The following ADGRA3 variants were observed in gnomAD, a reference collection of about 807,000 sequenced individuals.
ADGRA3 encodes adhesion G protein-coupled receptor A3.
In ADGRA3, 56 loss-of-function variants were observed where a neutral mutation model predicts 119.8. The observed-to-expected ratio is 0.47, with a 90% CI of 0.38 to 0.58. The LOEUF (loss-of-function observed/expected upper bound fraction) is 0.58. ADGRA3 is among the 20% of genes least tolerant of loss of function. The pLI is 0.00. For synonymous variants in ADGRA3, 607 were observed against 623.8 expected, an observed-to-expected ratio of 0.97 and a Z score of 0.40; for missense variants, 1,516 against 1,649.0, an observed-to-expected ratio of 0.92 and a Z score of 1.40.
intron 10 of ADGRA3, among the ~76,000 whole-genome samples, chr4:22,426,754 G>A (rs111520669): frequency 6.6e-5 from 10 of 152,170 alleles, no homozygotes; most frequent in South Asian, 4.2e-4. Flanking sequence ...CCCCCAAACC[G>A]AAGATATTAA....
At chr4:22,478,554 G>C (rs566907366) in intron 1 of ADGRA3, among the ~76,000 whole-genome samples, 1 of 152,164 alleles carries the variant, frequency 6.6e-6, no homozygotes, top group East Asian at 1.9e-4. Flanking sequence ...AATCAAATAG[G>C]GTTATTGTGG....
In ADGRA3 at chr4:22,515,522, A is replaced by C; in HGVS notation, c.257+6T>G. 1 of 1,588,726 alleles carries C rather than the reference A, an allele frequency of 6.3e-7. No homozygotes were observed. The highest frequency in any genetic ancestry group is 8.6e-7 in the Non-Finnish European group (1 of 1,161,026). On this transcript the variant is annotated splice_donor_region_variant and intron_variant, in intron 1 of 18. Transcript: ENST00000334304. ...GAGAGGACCCAGCGTCGCGGGAGAT[A>C]CTCACAGGGTGACCGTGCGGTTGGG...
chr4:22,457,643 T>C (rs1472001241), intron 3 of ADGRA3, among the ~76,000 whole-genome samples: 1 of 152,250 alleles, frequency 6.6e-6, no homozygotes. Flanking sequence ...ACAATATCAG[T>C]AATTATATTA....
At chr4:22,473,716 A>G (rs1212809333) in intron 2 of ADGRA3, 56 bp downstream of exon 2, 3 of 975,950 alleles carry the variant, frequency 3.1e-6, no homozygotes, top group Admixed American at 2.3e-5. Context: ...ATGAAGATTT[A>G]CAATGAAAAT....
intron 6 of ADGRA3, among the ~76,000 whole-genome samples, chr4:22,444,203 C>T (rs1716739090): frequency 1.3e-5 from 2 of 152,150 alleles, no homozygotes; most frequent in Non-Finnish European, 2.9e-5. Flanking sequence ...TATGCTTATA[C>T]ACAGAGTCTG....
chr4:22,478,223 C>T (rs7697601), intron 1 of ADGRA3: 106,256 of 152,014 alleles, frequency 0.7, 37,575 homozygotes, highest in Non-Finnish European at 0.75. Context: ...TAGTTTGGTA[C>T]ATCGCTTATG....
At chr4:22,473,451 C>G (rs189234832) in intron 2 of ADGRA3, among the ~76,000 whole-genome samples, 62 of 152,266 alleles carry the variant, frequency 4.1e-4, no homozygotes, top group Admixed American at 7.2e-4. Flanking sequence ...ACATCCACGT[C>G]GATTCATTTA....
intron 1 of ADGRA3, among the ~76,000 whole-genome samples, chr4:22,491,957 C>G (rs987537806): frequency 1.3e-5 from 2 of 152,208 alleles, no homozygotes; most frequent in Non-Finnish European, 2.9e-5. Context: ...ATCGTCAGAT[C>G]AATTGCAAAT....
rs529960178 is a variant in ADGRA3, at chr4:22,501,307, G to T, written c.257+14221C>A. ...AATTTCATGAGAAGGCTAAAGACAA[G>T]TGTTTTCTGAAATCCCATTTTCTTG... is the stretch of plus-strand genomic sequence containing the variant. On this transcript the variant is annotated intron_variant, in intron 1 of 18. Transcript: ENST00000334304. Among the ~76,000 whole-genome samples the T allele has an allele frequency of 9.0e-4, 135 of 150,252 alleles. 1 individual carries two copies. Among genetic ancestry groups the T allele is most frequent in the African/African-American group, 3.2e-3 (134 of 41,350 alleles).
chr4:22,492,463 T>C (rs926699153), intron 1 of ADGRA3, among the ~76,000 whole-genome samples: 1 of 152,190 alleles, frequency 6.6e-6, no homozygotes, highest in Admixed American at 6.5e-5. Context: ...GAGTGCCTAC[T>C]TGAATGCTTG....
rs777007718 is a variant in ADGRA3 at position 22,401,542 on chromosome 4, G to A, written c.2370C>T (p.Ile790=). The A allele has an allele frequency of 7.5e-6, 12 of 1,603,648 alleles. No homozygotes were observed. In the East Asian group the frequency reaches 2.7e-4, roughly 36 times the overall value. Residue 790 remains isoleucine (I), a synonymous_variant, in exon 16 of 19, where the codon ATC becomes ATT. Coordinates refer to ENST00000334304, the MANE Select transcript of ADGRA3 (RefSeq NM_145290.4). The stretch of plus-strand genomic sequence containing the variant: ...CAAGCATGTGCCAGCTCTTGAGGCT[G>A]ATTCTAATCAAACTGTTTAAAAAAG... ...SYIYHHSLIR[I]SLKSWHMLVN...
At chr4:22,413,892 C>T in intron 12 of ADGRA3, 78 bp from the exon 13 acceptor site, 10 of 932,000 alleles carry the variant, frequency 1.1e-5, no homozygotes, top group South Asian at 9.4e-5. Flanking sequence ...CAGATAGTTA[C>T]AAAAGTGGTA....
Position 22,420,892 on chromosome 4 carries a change from T to G in ADGRA3, c.1803A>C (p.Ala601=). 1 of 1,613,644 alleles carries G rather than the reference T, an allele frequency of 6.2e-7. No individual in the cohort carries two copies. The part of the protein sequence containing the change: ...CNVSNTFSSL[A]LKNTIVEASI... ...ATTGCAGAATGTAACATACCTTTAG[T>G]GCCAGACTCGAAAATGTATTTGAAA... The change falls in exon 12 of 19, where the codon GCA becomes GCC. Residue 601 remains alanine, a synonymous_variant. Coordinates refer to ENST00000334304, the MANE Select transcript of ADGRA3 (RefSeq NM_145290.4).
Position 22,414,407 on chromosome 4 carries a change from G to T in ADGRA3, c.1810-593C>A. ...ATAGGAACAACTGAAAATGCTGACT[G>T]ATCACTGAATTTTTTCAGATTTCTT... On this transcript the variant is annotated intron_variant, in intron 12 of 18. Coordinates refer to ENST00000334304, the MANE Select transcript of ADGRA3 (RefSeq NM_145290.4). 3 of 465,944 alleles carry T rather than the reference G, an allele frequency of 6.4e-6. No homozygotes were observed. In the South Asian group the frequency reaches 1.2e-4, roughly 19 times the overall value. The allele number at this position is 465,944 out of a possible 1,614,324, so 28.9% of individuals were successfully genotyped here.
intron 14 of ADGRA3, among the ~76,000 whole-genome samples, chr4:22,407,131 C>T (rs1228842392): frequency 1.3e-5 from 2 of 152,028 alleles, no homozygotes; most frequent in African/African-American, 2.4e-5. Context: ...ATTAGCCAGG[C>T]GTGGTGGTGG....
At chr4:22,486,285 G>T (rs1718430982) in intron 1 of ADGRA3, among the ~76,000 whole-genome samples, 1 of 152,022 alleles carries the variant, frequency 6.6e-6, no homozygotes, top group Non-Finnish European at 1.5e-5. Flanking sequence ...CTACTTAAGG[G>T]GCCATAAAGG....
chr4:22,438,962 C>T (rs1390158188), intron 7 of ADGRA3, among the ~76,000 whole-genome samples: 2 of 152,128 alleles, frequency 1.3e-5, no homozygotes, highest in African/African-American at 4.8e-5. Flanking sequence ...GAGAGCACCA[C>T]TGCACTCCAG....
intron 14 of ADGRA3, among the ~76,000 whole-genome samples, chr4:22,412,296 G>C (rs1404204046): frequency 6.6e-6 from 1 of 152,008 alleles, no homozygotes; most frequent in African/African-American, 2.4e-5. Flanking sequence ...ATAAGAACTA[G>C]CATGGTTTAT....
At chr4:22,461,318 T>C (rs1016734572) in intron 3 of ADGRA3, among the ~76,000 whole-genome samples, 5 of 152,260 alleles carry the variant, frequency 3.3e-5, no homozygotes, top group African/African-American at 7.2e-5. Context: ...TTTTTCTTTC[T>C]TTTTGTTTTA....
Sources: allele counts gnomAD v4.1 joint callset (sites outside exome capture counted in the v4.1 genomes callset), GRCh38; gene constraint gnomAD v4.1.1; transcripts MANE v1.5; gene names NCBI Gene and HGNC (gene_info 2026-07-23, HGNC 2026-07-21).